The following NALCN variants were observed in gnomAD, a reference collection of about 807,000 sequenced individuals.
NALCN encodes sodium leak channel NALCN.
NALCN carries 111 observed loss-of-function variants against 225.3 expected under a neutral mutation model. The ratio of observed to expected loss-of-function variants is 0.49; its 90% CI spans 0.42 to 0.58. The LOEUF is 0.58. NALCN is among the 20% of genes least tolerant of loss of function. The probability of loss-of-function intolerance (pLI) is 0.00; values close to 1 mark genes in which losing one functional copy is unlikely to be tolerated. For missense variants in NALCN, 1,378 were observed against 2,202.4 expected, an observed-to-expected ratio of 0.63 and a Z score of 7.49; for synonymous variants, 764 against 769.0, an observed-to-expected ratio of 0.99 and a Z score of 0.11.
At chr13:101,319,892 C>T (rs992026184) in intron 7 of NALCN, among the ~76,000 whole-genome samples, 9 of 152,250 alleles carry the variant, frequency 5.9e-5, no homozygotes, top group Non-Finnish European at 5.9e-5. Context: ...AAAAAAATAG[C>T]TATTCTATTC....
rs777749880 is a variant in NALCN at position 101,376,905 on chromosome 13, A to G, written c.515+12T>C. ...AACTTTTCCTCTTAACTTATTGTAA[A>G]GCAGCGCTCACTTTAAAATATTTGT... On this transcript the variant is annotated intron_variant, in intron 5 of 43. Transcript: ENST00000251127. 17 of 1,614,016 alleles carry G rather than the reference A, an allele frequency of 1.1e-5. No homozygotes were observed. The highest frequency in any genetic ancestry group is 1.4e-5 in the Non-Finnish European group (17 of 1,180,018).
rs1234715087 is a variant in NALCN, at chr13:101,089,361, A to T, written c.3489+302T>A. On this transcript the variant is annotated intron_variant, in intron 30 of 43. Coordinates refer to ENST00000251127, the MANE Select transcript of NALCN (RefSeq NM_052867.4). This position sits in a 1 kb window ranked among gnomAD's most constrained non-coding sequence, Gnocchi z 4.7. ...TTAGCGAATCACTTTCATCTATTGT[A>T]TTTTAATAACTTGCTGCCCATCTTT... Among the ~76,000 whole-genome samples, 1 of 152,248 alleles carries T rather than the reference A, an allele frequency of 6.6e-6. No homozygotes were observed. Among genetic ancestry groups the T allele is most frequent in the African/African-American group, 2.4e-5 (1 of 41,458 alleles).
chr13:101,108,260 T>C (rs2035249740), intron 20 of NALCN, among the ~76,000 whole-genome samples: 1 of 152,006 alleles, frequency 6.6e-6, no homozygotes, highest in Non-Finnish European at 1.5e-5. Context: ...ATAGCAAGAG[T>C]ATTTGTTCCT....
intron 41 of NALCN, 123 bp from the exon 42 acceptor site, chr13:101,060,090 A>C (rs1594113956): frequency 1.8e-6 from 2 of 1,092,732 alleles, no homozygotes; most frequent in Middle Eastern, 3.0e-4. Context: ...CCTCTTAGGA[A>C]TTTCCAAGTA....
Position 101,292,971 on chromosome 13 carries a change from T to C in NALCN, c.800-605A>G, listed in dbSNP as rs1051560888. On this transcript the variant is annotated intron_variant, in intron 7 of 43. Coordinates refer to ENST00000251127, the MANE Select transcript of NALCN (RefSeq NM_052867.4). The surrounding 1 kb of genome is among the most constrained non-coding windows in gnomAD (Gnocchi z 4.3). The stretch of plus-strand genomic sequence containing the variant: ...ACCTCATAGAAAGTACTTCTAGTAA[T>C]GGAAAGAAAGGAAAGCTAAAAATAT... 6.6e-6 allele frequency among the ~76,000 whole-genome samples: 1 copy of C among 152,142 alleles called. No individual in the cohort carries two copies. Among genetic ancestry groups the C allele is most frequent in the African/African-American group, 2.4e-5 (1 of 41,396 alleles).
chr13:101,143,289 A>G (rs1566334397), intron 16 of NALCN, 68 bp from the exon 17 acceptor site: 1 of 1,483,254 alleles, frequency 6.7e-7, no homozygotes. Flanking sequence ...GCATTTTGCA[A>G]TGATGAGTTT....
At chr13:101,210,161 A>T (rs4318075) in intron 13 of NALCN, among the ~76,000 whole-genome samples, 3 of 151,922 alleles carry the variant, frequency 2.0e-5, no homozygotes, top group Non-Finnish European at 2.9e-5. Flanking sequence ...ATTTGCTTAG[A>T]GGGGGTCCCT....
chr13:101,181,479 A>G (rs2039220988), intron 14 of NALCN: 1 of 379,370 alleles, frequency 2.6e-6, no homozygotes, highest in South Asian at 2.0e-5. Context: ...GGGCATGGTG[A>G]CTCATGCGTG....
intron 34 of NALCN, among the ~76,000 whole-genome samples, chr13:101,077,936 G>A (rs1445883334): frequency 1.3e-5 from 2 of 152,198 alleles, no homozygotes; most frequent in Non-Finnish European, 2.9e-5. Context: ...TTGGGACATG[G>A]TGCCCTGCCT....
chr13:101,367,683 T>C (rs1487377823), intron 6 of NALCN, among the ~76,000 whole-genome samples: 1 of 152,200 alleles, frequency 6.6e-6, no homozygotes, highest in African/African-American at 2.4e-5. Context: ...TTTATCTTAT[T>C]TTCTGTGTAT....
chr13:101,379,051 G>C (rs1207281320), intron 3 of NALCN, among the ~76,000 whole-genome samples: 1 of 152,226 alleles, frequency 6.6e-6, no homozygotes, highest in South Asian at 2.1e-4. Flanking sequence ...GCTAGGTTTA[G>C]CACCGTTAGT....
At chr13:101,363,885 G>C (rs1412282378) in intron 6 of NALCN, among the ~76,000 whole-genome samples, 1 of 151,752 alleles carries the variant, frequency 6.6e-6, no homozygotes, top group Non-Finnish European at 1.5e-5. Context: ...TAACTCAATG[G>C]GAAAAATCTA....
chr13:101,168,219 A>G (rs570322343), intron 15 of NALCN, among the ~76,000 whole-genome samples: 1 of 152,252 alleles, frequency 6.6e-6, no homozygotes, highest in African/African-American at 2.4e-5. Context: ...TTAGGGAACC[A>G]TCCTTCCCTT....
At chr13:101,371,692 T>C (rs1291441686) in intron 6 of NALCN, among the ~76,000 whole-genome samples, 1 of 152,172 alleles carries the variant, frequency 6.6e-6, no homozygotes, top group Non-Finnish European at 1.5e-5. Context: ...CTTGATTCAC[T>C]TCACCTATTT....
intron 17 of NALCN, among the ~76,000 whole-genome samples, chr13:101,135,055 C>T (rs1018094699): frequency 5.3e-5 from 8 of 151,970 alleles, no homozygotes; most frequent in African/African-American, 1.9e-4. Flanking sequence ...ATTAGCCGGG[C>T]GTGGTTGCGG....
intron 9 of NALCN, among the ~76,000 whole-genome samples, chr13:101,291,104 G>T (rs1229524445): frequency 6.6e-6 from 1 of 152,132 alleles, no homozygotes; most frequent in Non-Finnish European, 1.5e-5. Flanking sequence ...ATTCTCAGGA[G>T]CCTTATGGTT....
At chr13:101,178,415 A>C (rs2039052718) in intron 14 of NALCN, among the ~76,000 whole-genome samples, 1 of 152,180 alleles carries the variant, frequency 6.6e-6, no homozygotes, top group Admixed American at 6.5e-5. Context: ...TTCCTTTATA[A>C]GACTTGGAAT....
Sources: allele counts gnomAD v4.1 joint callset (sites outside exome capture counted in the v4.1 genomes callset), GRCh38; gene constraint gnomAD v4.1.1; non-coding constraint Gnocchi (gnomAD v3.1); transcripts MANE v1.5; gene names NCBI Gene and HGNC (gene_info 2026-07-23, HGNC 2026-07-21).